ASXL3: variants seen among roughly 807,000 people sequenced by gnomAD.
The protein encoded by ASXL3 is ASXL transcriptional regulator 3, also known as putative Polycomb group protein ASXL3.
Under a neutral mutation model 170.6 loss-of-function variants are expected in ASXL3, and 34 were observed. The observed-to-expected ratio is 0.20, with a 90% confidence interval of 0.15 to 0.27. The LOEUF (loss-of-function observed/expected upper bound fraction) is 0.27, where lower values mean the gene tolerates loss of function less well. Among genes scored for constraint, ASXL3 ranks in the 10% least tolerant of loss-of-function variants. ASXL3 has a pLI of 1.00. For missense variants in ASXL3, 2,592 were observed against 2,695.3 expected (o/e 0.96, Z 0.85); for synonymous variants, 1,002 against 989.1 (o/e 1.01, Z -0.24).
intron 2 of ASXL3, among the ~76,000 whole-genome samples, chr18:33,617,029 A>G (rs2065434099): frequency 6.6e-6 from 1 of 152,196 alleles, no homozygotes; most frequent in South Asian, 2.1e-4. Context: ...TATAGAATTC[A>G]TAGTATAACA....
At chr18:33,607,930 C>T (rs1026077702) in intron 2 of ASXL3, among the ~76,000 whole-genome samples, 3 of 151,894 alleles carry the variant, frequency 2.0e-5, no homozygotes, top group African/African-American at 7.2e-5. Context: ...TGACTTAGCC[C>T]CTCATTGAAG....
At chr18:33,734,143 A>ATTCT (rs1599557087) in intron 9 of ASXL3, among the ~76,000 whole-genome samples, 167 bp from the exon 10 acceptor site, 30 of 59,930 alleles carry the variant, frequency 5.0e-4, no homozygotes, top group African/African-American at 2.8e-3. Flanking sequence ...TTTTATGAAC[A>ATTCT]TCTTGAGTGA....
intron 5 of ASXL3, among the ~76,000 whole-genome samples, chr18:33,667,244 A>G (rs1418811338): frequency 2.0e-5 from 3 of 152,128 alleles, no homozygotes; most frequent in Non-Finnish European, 2.9e-5. Context: ...TCTCACTCCT[A>G]TTCTGAATCC....
At chr18:33,614,607 A>T (rs551590397) in intron 2 of ASXL3, 2 of 152,318 alleles carry the variant, frequency 1.3e-5, no homozygotes, top group African/African-American at 4.8e-5. Flanking sequence ...CCTCAGATCC[A>T]TAAGAGGAAT....
intron 2 of ASXL3, among the ~76,000 whole-genome samples, chr18:33,621,849 A>G (rs1161620224): frequency 6.6e-6 from 1 of 152,146 alleles, no homozygotes; most frequent in Non-Finnish European, 1.5e-5. Flanking sequence ...TCCAACAGCT[A>G]TTCTCTTTTC....
chr18:33,595,421 A>G (rs2065116862), intron 1 of ASXL3, among the ~76,000 whole-genome samples: 2 of 152,168 alleles, frequency 1.3e-5, no homozygotes, highest in Non-Finnish European at 2.9e-5. Context: ...CATTTATTAT[A>G]TATCCTGTAT....
intron 1 of ASXL3, among the ~76,000 whole-genome samples, chr18:33,597,193 A>G (rs1318604745): frequency 1.3e-5 from 2 of 152,100 alleles, no homozygotes; most frequent in African/African-American, 4.8e-5. Context: ...ATTACATAAT[A>G]TGTAGAGTCT....
At chr18:33,697,325 T>C (rs2066788193) in intron 8 of ASXL3, among the ~76,000 whole-genome samples, 1 of 152,098 alleles carries the variant, frequency 6.6e-6, no homozygotes, top group South Asian at 2.1e-4. Flanking sequence ...TTGCATGAGA[T>C]TGTCATGAGT....
At chr18:33,738,435 T>C in intron 10 of ASXL3, 52 bp from the exon 11 acceptor site, 3 of 1,496,792 alleles carry the variant, frequency 2.0e-6, no homozygotes, top group Non-Finnish European at 2.7e-6. Flanking sequence ...ATCCCAGTTG[T>C]ACCTTTTATG....
intron 7 of ASXL3, among the ~76,000 whole-genome samples, chr18:33,679,501 G>A (rs1377079318): frequency 2.0e-5 from 3 of 151,878 alleles, no homozygotes; most frequent in African/African-American, 7.3e-5. Flanking sequence ...AATAAAGATT[G>A]TATTATTTTT....
At chr18:33,713,600 G>A (rs1180902993) in intron 8 of ASXL3, among the ~76,000 whole-genome samples, 1 of 152,102 alleles carries the variant, frequency 6.6e-6, no homozygotes, top group Non-Finnish European at 1.5e-5. Flanking sequence ...CATATATTAT[G>A]TAAAAGGAAA....
intron 2 of ASXL3, among the ~76,000 whole-genome samples, chr18:33,642,686 T>C (rs553015990): frequency 6.6e-6 from 1 of 152,086 alleles, no homozygotes; most frequent in East Asian, 1.9e-4. Context: ...AACAGTATAA[T>C]TTAATAATAT....
chr18:33,687,264 C>G (rs2066611825), intron 8 of ASXL3, among the ~76,000 whole-genome samples: 1 of 152,002 alleles, frequency 6.6e-6, no homozygotes, highest in Non-Finnish European at 1.5e-5. Context: ...CTTGGTGCAA[C>G]AAACAAGCAA....
chr18:33,679,656 G>A (rs2066483131), intron 7 of ASXL3, among the ~76,000 whole-genome samples: 1 of 152,032 alleles, frequency 6.6e-6, no homozygotes. Flanking sequence ...TGCTTTGTGT[G>A]TATGTGGGAA....
intron 11 of ASXL3, 21 bp downstream of exon 11, chr18:33,740,464 A>T (rs2067644214): frequency 1.3e-6 from 2 of 1,505,880 alleles, no homozygotes; most frequent in African/African-American, 2.8e-5. Flanking sequence ...AAATAAACAA[A>T]AGGCAATTCC....
intron 2 of ASXL3, among the ~76,000 whole-genome samples, chr18:33,613,030 G>C (rs993780626): frequency 1.3e-5 from 2 of 151,970 alleles, no homozygotes; most frequent in Admixed American, 6.6e-5. Context: ...ATGAGACAAT[G>C]GTGTTATTAA....
At chr18:33,642,468 A>G (rs1389983645) in intron 2 of ASXL3, among the ~76,000 whole-genome samples, 1 of 151,958 alleles carries the variant, frequency 6.6e-6, no homozygotes, top group African/African-American at 2.4e-5. Context: ...TAAGTGACTA[A>G]TCAGTGAGTG....
intron 1 of ASXL3, among the ~76,000 whole-genome samples, chr18:33,579,709 A>G (rs113816730): frequency 6.6e-6 from 1 of 152,062 alleles, no homozygotes; most frequent in Non-Finnish European, 1.5e-5. Flanking sequence ...CAGGCATTAC[A>G]TTTGAAGCTA....
intron 8 of ASXL3, among the ~76,000 whole-genome samples, chr18:33,700,026 A>G (rs1420109702): frequency 1.3e-5 from 2 of 152,100 alleles, no homozygotes; most frequent in Admixed American, 1.3e-4. Context: ...AATAAGATGT[A>G]AGTTAGAGAA....
Sources: gnomAD v4.1 joint callset for allele counts (sites outside exome capture counted in the v4.1 genomes callset) on GRCh38, gnomAD v4.1.1 for gene constraint, MANE v1.5 for transcripts, NCBI Gene and HGNC (gene_info 2026-07-23, HGNC 2026-07-21) for gene names.